The following CFAP299 variants were observed in gnomAD, a reference collection of about 807,000 sequenced individuals.
CFAP299 encodes cilia- and flagella-associated protein 299.
In CFAP299, 21 loss-of-function variants were observed where a neutral mutation model predicts 27.0. That is an observed-to-expected ratio of 0.78 (90% CI 0.55 to 1.12). The LOEUF is 1.12. Among genes scored for constraint, CFAP299 ranks in the 50% most tolerant of loss-of-function variants. The pLI is 0.00. For missense variants in CFAP299, 310 were observed against 276.6 expected, an observed-to-expected ratio of 1.12 and a Z score of -0.86; for synonymous variants, 104 against 98.1, an observed-to-expected ratio of 1.06 and a Z score of -0.36.
chr4:80,757,125 T>G (rs964897931), intron 3 of CFAP299, among the ~76,000 whole-genome samples: 2 of 152,120 alleles, frequency 1.3e-5, no homozygotes, highest in African/African-American at 4.8e-5. Context: ...TTAGTACTAT[T>G]TTTATATAAT....
rs776684494 is a variant in CFAP299 at position 80,362,843 on chromosome 4, G to A, written c.201G>A (p.Ala67=). The stretch of plus-strand genomic sequence containing the variant: ...GGGAAGATTTTGAAGCAAGGAAAGC[G>A]GCTATAGAGATTGCAAGACTGGCTG... ...VKREDFEARK[A]AIEIARLAER... Residue 67 remains alanine (A), a synonymous_variant, in exon 2 of 6, where the codon GCG becomes GCA. Coordinates refer to ENST00000358105, the MANE Select transcript of CFAP299 (RefSeq NM_152770.3). 16 of 1,612,616 alleles carry A rather than the reference G, an allele frequency of 9.9e-6. No homozygotes were observed. Among genetic ancestry groups the A allele is most frequent in the South Asian group, 6.6e-5 (6 of 90,870 alleles).
intron 3 of CFAP299, among the ~76,000 whole-genome samples, chr4:80,737,910 A>T (rs1724008720): frequency 6.6e-6 from 1 of 152,070 alleles, no homozygotes; most frequent in Admixed American, 6.6e-5. Context: ...TATCCCAGAG[A>T]TTTTGGTATG....
intron 4 of CFAP299, among the ~76,000 whole-genome samples, chr4:80,931,844 G>A (rs1736637796): frequency 6.6e-6 from 1 of 152,100 alleles, no homozygotes; most frequent in African/African-American, 2.4e-5. Context: ...GTTTTCAACA[G>A]GAATCACCCT....
At chr4:80,902,818 A>G (rs953386734) in intron 4 of CFAP299, among the ~76,000 whole-genome samples, 1 of 151,896 alleles carries the variant, frequency 6.6e-6, no homozygotes, top group Non-Finnish European at 1.5e-5. Context: ...AACTGTTCCA[A>G]TCAGAGAATA....
At chr4:80,891,830 GAAAAAAA>G (rs35425830) in intron 4 of CFAP299, among the ~76,000 whole-genome samples, 2 of 53,998 alleles carry the variant, frequency 3.7e-5, no homozygotes, top group African/African-American at 1.3e-4. Context: ...TAGATTAAAG[GAAAAAAA>G]AAAAAAAAAA....
chr4:80,387,638 A>T, intron 2 of CFAP299: 1 of 1,505,504 alleles, frequency 6.6e-7, no homozygotes, highest in Non-Finnish European at 9.2e-7. Flanking sequence ...CCTGAAGGCC[A>T]TACCTTGTGG....
chr4:80,949,540 CA>C (rs1737658463), intron 5 of CFAP299, among the ~76,000 whole-genome samples: 1 of 37,196 alleles, frequency 2.7e-5, no homozygotes, highest in Non-Finnish European at 7.2e-5. Context: ...TTAAAAACAA[CA>C]ACAACAAAAA....
intron 2 of CFAP299, among the ~76,000 whole-genome samples, chr4:80,581,998 T>C (rs995742585): frequency 2.6e-5 from 4 of 151,878 alleles, no homozygotes; most frequent in African/African-American, 9.7e-5. Flanking sequence ...ATTATAATGT[T>C]AACTTCTATT....
chr4:80,473,686 T>C (rs1367733749), intron 2 of CFAP299, among the ~76,000 whole-genome samples: 1 of 152,128 alleles, frequency 6.6e-6, no homozygotes, highest in Non-Finnish European at 1.5e-5. Context: ...TCTTCCCGCC[T>C]CAGCTTCCTG....
At chr4:80,414,081 T>TC (rs1726873291) in intron 2 of CFAP299, among the ~76,000 whole-genome samples, 1 of 148,160 alleles carries the variant, frequency 6.7e-6, no homozygotes, top group Non-Finnish European at 1.5e-5. Context: ...TTTTTTTTTT[T>TC]TTTTTTTGAG....
chr4:80,411,586 T>G (rs926226887), intron 2 of CFAP299, among the ~76,000 whole-genome samples: 1 of 152,070 alleles, frequency 6.6e-6, no homozygotes, highest in African/African-American at 2.4e-5. Flanking sequence ...TATATTACAA[T>G]ATAATATATA....
At chr4:80,883,717 G>A (rs928976479) in intron 4 of CFAP299, among the ~76,000 whole-genome samples, 1 of 151,944 alleles carries the variant, frequency 6.6e-6, no homozygotes. Context: ...ATACAGAAGC[G>A]AATTAAGAGG....
intron 3 of CFAP299, among the ~76,000 whole-genome samples, chr4:80,645,531 A>T (rs1317973060): frequency 6.6e-6 from 1 of 152,110 alleles, no homozygotes; most frequent in Non-Finnish European, 1.5e-5. Flanking sequence ...CAAGTTATCC[A>T]CACACACACA....
At chr4:80,873,542 A>G (rs1224269729) in intron 4 of CFAP299, among the ~76,000 whole-genome samples, 2 of 152,200 alleles carry the variant, frequency 1.3e-5, no homozygotes, top group African/African-American at 2.4e-5. Context: ...TTCCCTGTTG[A>G]TATGGGCATG....
intron 3 of CFAP299, among the ~76,000 whole-genome samples, chr4:80,647,043 G>C (rs899234427): frequency 1.3e-5 from 2 of 151,484 alleles, no homozygotes; most frequent in Non-Finnish European, 2.9e-5. Context: ...AATAGATATA[G>C]ATGTACATAT....
chr4:80,544,939 C>T (rs1734157881), intron 2 of CFAP299, among the ~76,000 whole-genome samples: 1 of 152,162 alleles, frequency 6.6e-6, no homozygotes. Flanking sequence ...GGCACATACT[C>T]TAAGATCAAT....
chr4:80,958,272 G>A (rs777580996), intron 5 of CFAP299, among the ~76,000 whole-genome samples: 3 of 152,108 alleles, frequency 2.0e-5, no homozygotes, highest in Admixed American at 1.3e-4. Flanking sequence ...AAGTCAAGTC[G>A]AACTTAATTC....
the CFAP299 span, among the ~76,000 whole-genome samples, chr4:80,330,473 T>C: frequency 6.6e-6 from 1 of 152,142 alleles, no homozygotes; most frequent in South Asian, 2.1e-4. Context: ...ATTTCTCTTA[T>C]CACCCTTCCC....
At chr4:80,576,195 A>ATATATAT (rs1221226539) in intron 2 of CFAP299, among the ~76,000 whole-genome samples, 7 of 40,844 alleles carry the variant, frequency 1.7e-4, no homozygotes, top group East Asian at 1.9e-3. Flanking sequence ...AATAAAAAAA[A>ATATATAT]AAATATATAT....
Sources: gnomAD v4.1 joint callset for allele counts (sites outside exome capture counted in the v4.1 genomes callset) on GRCh38, gnomAD v4.1.1 for gene constraint, MANE v1.5 for transcripts, NCBI Gene and HGNC (gene_info 2026-07-23, HGNC 2026-07-21) for gene names.